Variants in PINX1 observed in about 807,000 individuals in gnomAD.
The protein encoded by PINX1 is PIN2 (TERF1) interacting telomerase inhibitor 1.
PINX1 carries 34 observed loss-of-function variants against 25.4 expected under a neutral mutation model. The ratio of observed to expected loss-of-function variants is 1.34; its 90% CI spans 1.02 to 1.78. The LOEUF (loss-of-function observed/expected upper bound fraction) is 1.78, where lower values mean the gene tolerates loss of function less well. PINX1 is among the 40% of genes most tolerant of loss of function. The pLI is 0.00. For missense variants in PINX1, 592 were observed against 404.9 expected (o/e 1.46, Z -3.97); for synonymous variants, 197 against 147.7 (o/e 1.33, Z -2.42).
chr8:10,837,032 G>C (rs1798426011), intron 1 of PINX1, among the ~76,000 whole-genome samples: 1 of 152,218 alleles, frequency 6.6e-6, no homozygotes, highest in South Asian at 2.1e-4. Flanking sequence ...CACTAACACA[G>C]AAGGCCTGAC....
At chr8:10,823,215 G>A (rs193247891) in intron 5 of PINX1, among the ~76,000 whole-genome samples, 61 of 152,294 alleles carry the variant, frequency 4.0e-4, no homozygotes, top group Non-Finnish European at 2.9e-4. Context: ...TGTATTTCCC[G>A]ACCAGGAAGC....
intron 6 of PINX1, among the ~76,000 whole-genome samples, chr8:10,811,473 A>G (rs553773613): frequency 6.6e-6 from 1 of 152,326 alleles, no homozygotes; most frequent in Non-Finnish European, 1.5e-5. Flanking sequence ...CATTTCATTT[A>G]TCTACACAAT....
chr8:10,820,096 T>C (rs1797820076), intron 6 of PINX1, 97 bp downstream of exon 6: 2 of 794,340 alleles, frequency 2.5e-6, no homozygotes, highest in Middle Eastern at 2.9e-4. Context: ...GGAAAGTTTG[T>C]CAGAAAAGTA....
At position 10,765,570 on chromosome 8, in the gene PINX1, G is replaced by A. The variant is rs1452367753; in HGVS notation, c.818C>T (p.Ser273Phe). The A allele has an allele frequency of 3.7e-6, 6 of 1,613,620 alleles. No individual in the cohort carries two copies. In the Admixed American group the frequency reaches 8.3e-5, roughly 22 times the overall value. ...CACATGGTCCCCTGCATCCTGAGCAGAGGCCTTGGAACTCTGGTCCCAGCA... is the reference window on the plus strand; with the variant it reads ...CACATGGTCCCCTGCATCCTGAGCAAAGGCCTTGGAACTCTGGTCCCAGCA... ...GPCWDQSSKA[S>F]AQDAGDHVQP... The change falls in exon 7 of 7, where the codon TCT becomes TTT. Residue 273 changes from serine (S) to phenylalanine (F), a missense_variant. By Grantham distance (155) the Ser-to-Phe change is radical. Transcript: ENST00000314787.
intron 5 of PINX1, among the ~76,000 whole-genome samples, chr8:10,823,517 TA>T (rs150462634): frequency 2.0e-5 from 3 of 150,216 alleles, no homozygotes; most frequent in African/African-American, 2.4e-5. Flanking sequence ...CCTTTTGCAT[TA>T]AAAAAAAATA....
chr8:10,834,868 T>G, intron 1 of PINX1, 93 bp from the exon 2 acceptor site: 1 of 806,578 alleles, frequency 1.2e-6, no homozygotes. Context: ...GTATTTTATG[T>G]ATGTATGTAA....
At chr8:10,791,292 T>C (rs565718878) in intron 6 of PINX1, among the ~76,000 whole-genome samples, 1 of 152,274 alleles carries the variant, frequency 6.6e-6, no homozygotes, top group South Asian at 2.1e-4. Flanking sequence ...CAAGACTCTG[T>C]TTTTCAACAT....
intron 1 of PINX1, among the ~76,000 whole-genome samples, chr8:10,835,359 TC>T (rs1798372534): frequency 6.6e-6 from 1 of 152,100 alleles, no homozygotes; most frequent in Non-Finnish European, 1.5e-5. Flanking sequence ...TTGCCGAACA[TC>T]CCCAAGCAAA....
chr8:10,772,364 C>T (rs1302753908), intron 6 of PINX1, among the ~76,000 whole-genome samples: 2 of 152,212 alleles, frequency 1.3e-5, no homozygotes, highest in Non-Finnish European at 1.5e-5. Flanking sequence ...GATTCACGGC[C>T]GTTCGTTGGA....
chr8:10,792,467 G>T (rs985980227), intron 6 of PINX1, among the ~76,000 whole-genome samples: 1 of 152,022 alleles, frequency 6.6e-6, no homozygotes, highest in African/African-American at 2.4e-5. Flanking sequence ...CCCCCGTGAC[G>T]CTGTGCGCTC....
chr8:10,775,994 G>C (rs906488911), intron 6 of PINX1, among the ~76,000 whole-genome samples: 1 of 152,112 alleles, frequency 6.6e-6, no homozygotes, highest in Non-Finnish European at 1.5e-5. Flanking sequence ...AAGCCCCTGG[G>C]GATGCTAGAA....
chr8:10,832,170 T>C (rs1345840655), intron 3 of PINX1, among the ~76,000 whole-genome samples: 1 of 152,190 alleles, frequency 6.6e-6, no homozygotes, highest in Non-Finnish European at 1.5e-5. Context: ...AATCTTCTAA[T>C]GACTTGCATC....
rs143091192 is a variant in PINX1 at position 10,800,886 on chromosome 8, A to G, written c.471+19307T>C. ...CACTTGATCCAGGCGCTCAGCTTAC[A>G]GGACCCAAATACTGAAGCATGCAGA... On this transcript the variant is annotated intron_variant, in intron 6 of 6. Transcript: ENST00000314787. Among the ~76,000 whole-genome samples the G allele has an allele frequency of 2.3e-3, 344 of 152,326 alleles. 1 individual carries two copies. The highest frequency in any genetic ancestry group is 8.0e-3 in the African/African-American group (334 of 41,564).
intron 4 of PINX1, among the ~76,000 whole-genome samples, chr8:10,827,705 C>G (rs1177421921): frequency 6.6e-6 from 1 of 151,112 alleles, no homozygotes; most frequent in Admixed American, 6.6e-5. Flanking sequence ...AGGAGATCGA[C>G]ACCATCCTGG....
chr8:10,831,878 T>C, intron 3 of PINX1, 135 bp from the exon 4 acceptor site: 1 of 634,282 alleles, frequency 1.6e-6, no homozygotes. Flanking sequence ...TACTATTTGA[T>C]AAATTTAAGT....
intron 6 of PINX1, among the ~76,000 whole-genome samples, chr8:10,816,466 C>A (rs1797699629): frequency 6.6e-6 from 1 of 152,220 alleles, no homozygotes; most frequent in African/African-American, 2.4e-5. Context: ...CATCTATGCT[C>A]CAGATGCTCA....
At chr8:10,767,100 TG>T (rs139484742) in intron 6 of PINX1, among the ~76,000 whole-genome samples, 36,452 of 152,082 alleles carry the variant, frequency 0.24, 4,452 homozygotes, top group East Asian at 0.33. Context: ...AAGAAGAGGC[TG>T]GGTGTTCTAC....
intron 2 of PINX1, chr8:10,834,376 A>C (rs1278093972): frequency 1.2e-5 from 4 of 336,394 alleles, no homozygotes; most frequent in Non-Finnish European, 2.2e-5. Flanking sequence ...GTGTAGAGGT[A>C]TCAGCAGAGG....
At chr8:10,789,955 C>G (rs1465326671) in intron 6 of PINX1, among the ~76,000 whole-genome samples, 1 of 152,170 alleles carries the variant, frequency 6.6e-6, no homozygotes, top group Non-Finnish European at 1.5e-5. Flanking sequence ...AAAACTCACA[C>G]CGAAAAAACC....
Sources: gnomAD v4.1 joint callset for allele counts (sites outside exome capture counted in the v4.1 genomes callset) on GRCh38, gnomAD v4.1.1 for gene constraint, MANE v1.5 for transcripts, NCBI Gene and HGNC (gene_info 2026-07-23, HGNC 2026-07-21) for gene names.